The following ADGRL2 variants were observed in gnomAD, a reference collection of about 807,000 sequenced individuals.
ADGRL2 encodes the protein calcium-independent alpha-latrotoxin receptor 2.
Under a neutral mutation model 157.4 loss-of-function variants are expected in ADGRL2, and 44 were observed. That is an observed-to-expected ratio of 0.28 (90% CI 0.22 to 0.36). The LOEUF (loss-of-function observed/expected upper bound fraction) is 0.36, where lower values mean the gene tolerates loss of function less well. Ranked by LOEUF, ADGRL2 falls within the 10% of genes least tolerant of loss-of-function variation. The probability of loss-of-function intolerance (pLI) is 1.00; values close to 1 mark genes in which losing one functional copy is unlikely to be tolerated. For synonymous variants in ADGRL2, 585 were observed against 624.7 expected (o/e 0.94, Z 0.95); for missense variants, 1,510 against 1,768.9 (o/e 0.85, Z 2.63).
chr1:81,370,021 A>G (rs2076134536), intron 1 of ADGRL2, among the ~76,000 whole-genome samples: 1 of 152,108 alleles, frequency 6.6e-6, no homozygotes, highest in Admixed American at 6.6e-5. Context: ...ATACCCTACC[A>G]AAGAAGTTCC....
intron 2 of ADGRL2, among the ~76,000 whole-genome samples, chr1:81,879,391 T>C (rs1318615718): frequency 6.6e-6 from 1 of 152,170 alleles, no homozygotes; most frequent in Non-Finnish European, 1.5e-5. Flanking sequence ...CTGTGTATCT[T>C]TGGGCAGTCA....
At chr1:81,357,191 C>A (rs1437854120) in intron 1 of ADGRL2, among the ~76,000 whole-genome samples, 2 of 152,120 alleles carry the variant, frequency 1.3e-5, no homozygotes, top group Non-Finnish European at 2.9e-5. Flanking sequence ...GAAGGAAGAA[C>A]ACTGTGACTC....
intron 1 of ADGRL2, among the ~76,000 whole-genome samples, chr1:81,313,234 C>A (rs532297595): frequency 6.6e-6 from 1 of 152,110 alleles, no homozygotes; most frequent in Non-Finnish European, 1.5e-5. Flanking sequence ...GACATCAAAG[C>A]GCTGATCCTA....
At chr1:81,564,235 T>C (rs1570516254) in intron 2 of ADGRL2, among the ~76,000 whole-genome samples, 1 of 152,190 alleles carries the variant, frequency 6.6e-6, no homozygotes, top group African/African-American at 2.4e-5. Flanking sequence ...CATAGCTGTG[T>C]AACAAATTAC....
chr1:81,344,692 C>CA (rs1662349619), intron 1 of ADGRL2, among the ~76,000 whole-genome samples: 1 of 121,920 alleles, frequency 8.2e-6, no homozygotes, highest in African/African-American at 3.3e-5. Flanking sequence ...AAAAAAAAAG[C>CA]AGATTATATT....
At chr1:81,841,687 G>GCA (rs1452255633) in intron 2 of ADGRL2, among the ~76,000 whole-genome samples, 11 of 152,030 alleles carry the variant, frequency 7.2e-5, no homozygotes, top group African/African-American at 1.4e-4. Context: ...GCATACACGT[G>GCA]CACACACACA....
chr1:81,895,060 T>A (rs1249561732), intron 2 of ADGRL2, among the ~76,000 whole-genome samples: 1 of 152,158 alleles, frequency 6.6e-6, no homozygotes, highest in Non-Finnish European at 1.5e-5. Flanking sequence ...AGAATATATA[T>A]GGGGATATAG....
At chr1:81,696,878 T>C (rs2083457671), upstream of ADGRL2, among the ~76,000 whole-genome samples, 1 of 152,166 alleles carries the variant, frequency 6.6e-6, no homozygotes, top group South Asian at 2.1e-4. Context: ...TATCAGTCTC[T>C]AGCAAACTGT....
chr1:81,640,724 A>C (rs143275800), intron 3 of ADGRL2, among the ~76,000 whole-genome samples: 20 of 152,232 alleles, frequency 1.3e-4, no homozygotes, highest in African/African-American at 4.6e-4. Context: ...CCAACAGACC[A>C]GGCTAAAAAT....
intron 1 of ADGRL2, among the ~76,000 whole-genome samples, chr1:81,827,010 CAGT>C (rs2091546217): frequency 6.7e-6 from 1 of 148,662 alleles, no homozygotes; most frequent in East Asian, 2.3e-4. Context: ...TTTTAAGGAA[CAGT>C]AGACTTATGA....
chr1:81,474,295 G>A (rs573568653), intron 2 of ADGRL2, among the ~76,000 whole-genome samples: 1 of 152,268 alleles, frequency 6.6e-6, no homozygotes, highest in South Asian at 2.1e-4. Flanking sequence ...TAGAATTTAA[G>A]CTCCAAGAAG....
At chr1:81,719,973 G>A (rs2084244530) in intron 1 of ADGRL2, among the ~76,000 whole-genome samples, 1 of 151,922 alleles carries the variant, frequency 6.6e-6, no homozygotes, top group Non-Finnish European at 1.5e-5. Flanking sequence ...TCCACCCCCT[G>A]CCATTTTTAG....
intron 2 of ADGRL2, among the ~76,000 whole-genome samples, chr1:81,868,456 T>C (rs1371820954): frequency 6.6e-6 from 1 of 152,124 alleles, no homozygotes; most frequent in Non-Finnish European, 1.5e-5. Flanking sequence ...TCTAAGCAGT[T>C]TGGCCCTGGA....
intron 3 of ADGRL2, among the ~76,000 whole-genome samples, chr1:81,603,062 C>T (rs1426813932): frequency 1.3e-5 from 2 of 152,082 alleles, no homozygotes; most frequent in Non-Finnish European, 2.9e-5. Flanking sequence ...AAGACTAGAT[C>T]ACTCTCTCTT....
Position 81,368,021 on chromosome 1 carries a change from C to T in ADGRL2, c.-302+61512C>T, listed in dbSNP as rs376414560. On this transcript the variant is annotated intron_variant, in intron 1 of 24. Transcript: ENST00000370721. ...ATGTATCTTTATAATAGAATGATTTCGATTCCTTTGGGTATATACCTACTA... is the reference window on the plus strand; with the variant it reads ...ATGTATCTTTATAATAGAATGATTTTGATTCCTTTGGGTATATACCTACTA... 2.3e-4 allele frequency among the ~76,000 whole-genome samples: 35 copies of T among 152,270 alleles called. 1 individual carries two copies. Among genetic ancestry groups the T allele is most frequent in the African/African-American group, 7.9e-4 (33 of 41,568 alleles).
intron 3 of ADGRL2, among the ~76,000 whole-genome samples, chr1:81,626,892 T>C (rs1001446505): frequency 6.6e-6 from 1 of 152,172 alleles, no homozygotes; most frequent in Non-Finnish European, 1.5e-5. Context: ...TGACGTCTTA[T>C]ACATTCGTGA....
In ADGRL2 at chr1:81,590,218, G is replaced by A. The variant is rs139954957; in HGVS notation, c.-143+9238G>A. On this transcript the variant is annotated intron_variant, in intron 3 of 24. Coordinates refer to the ADGRL2 transcript ENST00000370721. ...TTTCTGGGTAAGAGAACTCACTCAG[G>A]TATGAAGACAAGGCAAGAAATTATG... 2.2e-3 allele frequency among the ~76,000 whole-genome samples: 328 copies of A among 152,252 alleles called. 2 individuals carry two copies. Among genetic ancestry groups the A allele is most frequent in the Middle Eastern group, 6.8e-3 (2 of 292 alleles).
chr1:81,679,618 C>T (rs1401550575), intron 3 of ADGRL2, among the ~76,000 whole-genome samples: 1 of 152,166 alleles, frequency 6.6e-6, no homozygotes, highest in Non-Finnish European at 1.5e-5. Context: ...GGCCCTGGAA[C>T]CTTAGCCTAG....
At chr1:81,413,784 T>C (rs2101461339) in intron 1 of ADGRL2, among the ~76,000 whole-genome samples, 1 of 152,344 alleles carries the variant, frequency 6.6e-6, no homozygotes, top group South Asian at 2.1e-4. Context: ...ATGTAATTGT[T>C]TTTCACAGTG....
Sources: gnomAD v4.1 joint callset for allele counts (sites outside exome capture counted in the v4.1 genomes callset) on GRCh38, gnomAD v4.1.1 for gene constraint, MANE v1.5 for transcripts, NCBI Gene and HGNC (gene_info 2026-07-23, HGNC 2026-07-21) for gene names.